The following DPP6 variants were observed in gnomAD, a reference collection of about 807,000 sequenced individuals.
DPP6 encodes dipeptidyl peptidase like 6, also known as A-type potassium channel modulatory protein DPP6.
A neutral mutation model predicts 122.6 loss-of-function variants in DPP6; 69 were observed. The ratio of observed to expected loss-of-function variants is 0.56; its 90% CI spans 0.46 to 0.69. The LOEUF (loss-of-function observed/expected upper bound fraction) is 0.69, where lower values mean the gene tolerates loss of function less well. Among genes scored for constraint, DPP6 ranks in the 30% least tolerant of loss-of-function variants. DPP6 has a pLI of 0.00. For synonymous variants in DPP6, 418 were observed against 433.1 expected, an observed-to-expected ratio of 0.97 and a Z score of 0.43; for missense variants, 928 against 1,116.9, an observed-to-expected ratio of 0.83 and a Z score of 2.41.
chr7:154,587,822 A>G, intron 5 of DPP6: 1 of 1,612,800 alleles, frequency 6.2e-7, no homozygotes, highest in Non-Finnish European at 8.5e-7. Flanking sequence ...GTCAATGGAT[A>G]CAGCACAGCA....
the DPP6 span, among the ~76,000 whole-genome samples, chr7:153,834,435 T>C: frequency 1.3e-5 from 2 of 152,028 alleles, no homozygotes; most frequent in African/African-American, 4.8e-5. Context: ...GTTTTCTAAG[T>C]CAAAATTTCC....
rs572001562 is a variant in DPP6, at chr7:154,061,695, G to A, written c.243+8632G>A. On this transcript the variant is annotated intron_variant, in intron 1 of 25. Coordinates refer to ENST00000377770, the MANE Select transcript of DPP6 (RefSeq NM_130797.4). ...CCCCCTGGCTCTTGGGACCACCATC[G>A]CAGGGGGGGAGGCAATCCCCGCGAG... Among the ~76,000 whole-genome samples, 61 of 85,188 alleles carry A rather than the reference G, an allele frequency of 7.2e-4. 3 individuals carry two copies. The South Asian group carries it at 0.022, about 31-fold the overall frequency. The allele number at this position is 85,188 out of a possible 152,430, so 55.9% of individuals were successfully genotyped here. A position where few individuals can be genotyped will look rare whatever the true frequency, so the allele number is the denominator to read the frequency against.
chr7:154,480,244 T>A (rs1463646035), intron 3 of DPP6, among the ~76,000 whole-genome samples: 2 of 152,192 alleles, frequency 1.3e-5, no homozygotes, highest in East Asian at 3.9e-4. Flanking sequence ...CCTGCCTGGC[T>A]CGGCCTGGCT....
chr7:153,749,864 A>G, the DPP6 span, among the ~76,000 whole-genome samples: 4 of 152,256 alleles, frequency 2.6e-5, no homozygotes, highest in African/African-American at 9.6e-5. This position sits in a 1 kb window ranked among gnomAD's most constrained non-coding sequence, Gnocchi z 4.1. Context: ...ATATTTTTTT[A>G]AATCGAAAAA....
At chr7:154,882,829 ATCT>A (rs772059903) in intron 21 of DPP6, among the ~76,000 whole-genome samples, 4 of 152,292 alleles carry the variant, frequency 2.6e-5, no homozygotes, top group South Asian at 4.1e-4. Context: ...GAAAATGAAA[ATCT>A]TCTTTCATTG....
At chr7:153,800,468 A>G in the DPP6 span, among the ~76,000 whole-genome samples, 1 of 152,218 alleles carries the variant, frequency 6.6e-6, no homozygotes, top group Non-Finnish European at 1.5e-5. Flanking sequence ...GTGCAAAAAT[A>G]CAATGAGATG....
chr7:154,547,013 C>T (rs1386257213), intron 4 of DPP6, among the ~76,000 whole-genome samples: 1 of 152,226 alleles, frequency 6.6e-6, no homozygotes, highest in Non-Finnish European at 1.5e-5. Flanking sequence ...TTTCTTACCT[C>T]TTTCTCTTTT....
chr7:153,857,322 T>TTCTCTCTCTC, the DPP6 span, among the ~76,000 whole-genome samples: 12,571 of 124,218 alleles, frequency 0.1, 986 homozygotes, highest in Admixed American at 0.16. Flanking sequence ...CTCAAAGGTT[T>TTCTCTCTCTC]TCTCTCTCTC....
Position 154,433,411 on chromosome 7 carries a change from C to T in DPP6, c.244-12803C>T, listed in dbSNP as rs189608424. On this transcript the variant is annotated intron_variant, in intron 1 of 25. Transcript: ENST00000377770. ...CTTGAACTCCTGACCTCAGGTGATC[C>T]GGCCGCCTCAGCCTCCCGAAGTGCT... 1.4e-3 allele frequency among the ~76,000 whole-genome samples: 207 copies of T among 151,796 alleles called. 1 individual carries two copies. The highest frequency in any genetic ancestry group is 4.4e-3 in the African/African-American group (184 of 41,354).
chr7:153,936,356 C>T lies in DPP6; in HGVS notation c.51+48622C>T, dbSNP rs1801439678. ...AGGCCAGCAGGATGGCTGGAGCGGC[C>T]AGGATGGGGCTGGGGTGGGGAACGT... On this transcript the variant is annotated intron_variant, in intron 1 of 25. Coordinates refer to the DPP6 transcript ENST00000404039. Among the ~76,000 whole-genome samples the T allele has an allele frequency of 2.6e-5, 4 of 152,126 alleles. No homozygotes were observed. In the South Asian group the frequency reaches 8.3e-4, roughly 32 times the overall value.
intron 17 of DPP6, among the ~76,000 whole-genome samples, chr7:154,856,282 AC>A (rs1315509528): frequency 1.3e-5 from 2 of 152,168 alleles, no homozygotes; most frequent in East Asian, 3.9e-4. Context: ...TATAGTCCCT[AC>A]TTTTGGGAAA....
intron 7 of DPP6, among the ~76,000 whole-genome samples, chr7:154,688,120 C>T (rs56898034): frequency 0.051 from 7,773 of 152,288 alleles, 289 homozygotes; most frequent in African/African-American, 0.1. Flanking sequence ...CATGCTGCTC[C>T]TAAGAGTGTC....
intron 1 of DPP6, among the ~76,000 whole-genome samples, chr7:154,364,717 A>G (rs570000910): frequency 6.6e-6 from 1 of 152,342 alleles, no homozygotes; most frequent in East Asian, 1.9e-4. Flanking sequence ...ATCTAGAACC[A>G]AATACCTCTC....
At chr7:154,878,034 C>T (rs3807289) in intron 20 of DPP6, among the ~76,000 whole-genome samples, 24,154 of 152,152 alleles carry the variant, frequency 0.16, 2,299 homozygotes, top group East Asian at 0.5. Context: ...TCCTGGCTTC[C>T]CAGACCTCCT....
At chr7:154,511,416 CA>C (rs1189009505) in intron 3 of DPP6, among the ~76,000 whole-genome samples, 1 of 152,114 alleles carries the variant, frequency 6.6e-6, no homozygotes, top group Non-Finnish European at 1.5e-5. Flanking sequence ...AAGCCCACGC[CA>C]TGTGTTTGAG....
At chr7:154,466,668 G>A (rs1821812303) in intron 2 of DPP6, among the ~76,000 whole-genome samples, 1 of 152,114 alleles carries the variant, frequency 6.6e-6, no homozygotes, top group Admixed American at 6.5e-5. Flanking sequence ...GAATCACATT[G>A]GGGGTTAGGG....
intron 10 of DPP6, among the ~76,000 whole-genome samples, chr7:154,777,486 G>T (rs1035395468): frequency 6.6e-6 from 1 of 152,096 alleles, no homozygotes; most frequent in Non-Finnish European, 1.5e-5. Context: ...CTATCCTGTG[G>T]GTGGAAAAAA....
chr7:154,406,555 G>A lies in DPP6; in HGVS notation c.244-39659G>A, dbSNP rs536679344. ...CACACACACGCACCTGCACACACAC[G>A]TGGGTTTGCATGCTGACTTGACATC... On this transcript the variant is annotated intron_variant, in intron 1 of 25. Coordinates refer to ENST00000377770, the MANE Select transcript of DPP6 (RefSeq NM_130797.4). 8.6e-5 allele frequency among the ~76,000 whole-genome samples: 13 copies of A among 152,038 alleles called. No individual in the cohort carries two copies. In the South Asian group the frequency reaches 1.9e-3, roughly 22 times the overall value.
the DPP6 span, among the ~76,000 whole-genome samples, chr7:153,760,048 AT>A: frequency 1.3e-5 from 2 of 151,924 alleles, no homozygotes; most frequent in African/African-American, 2.4e-5. Flanking sequence ...GTGCATGTAT[AT>A]TAGGCTGCTT....
Sources: gnomAD v4.1 joint callset for allele counts (sites outside exome capture counted in the v4.1 genomes callset) on GRCh38, gnomAD v4.1.1 for gene constraint, Gnocchi (gnomAD v3.1) non-coding constraint, MANE v1.5 for transcripts, NCBI Gene and HGNC (gene_info 2026-07-23, HGNC 2026-07-21) for gene names.